Variants in RABGAP1L observed in about 807,000 individuals in gnomAD.
The protein encoded by RABGAP1L is RAB GTPase activating protein 1 like.
A neutral mutation model predicts 137.7 loss-of-function variants in RABGAP1L; 63 were observed. That is an observed-to-expected ratio of 0.46 (90% CI 0.37 to 0.56). The LOEUF (loss-of-function observed/expected upper bound fraction) is 0.56, where lower values mean the gene tolerates loss of function less well. RABGAP1L is among the 20% of genes least tolerant of loss of function. The pLI is 0.00. For missense variants in RABGAP1L, 1,095 were observed against 1,244.0 expected, an observed-to-expected ratio of 0.88 and a Z score of 1.80; for synonymous variants, 431 against 433.7, an observed-to-expected ratio of 0.99 and a Z score of 0.08.
chr1:174,840,764 T>A (rs1693296007), intron 19 of RABGAP1L, among the ~76,000 whole-genome samples: 1 of 148,032 alleles, frequency 6.8e-6, no homozygotes, highest in Non-Finnish European at 1.5e-5. Context: ...TGCAGTGAGC[T>A]GAGATTGAGC....
intron 18 of RABGAP1L, among the ~76,000 whole-genome samples, chr1:174,796,108 C>T (rs943416870): frequency 2.0e-5 from 3 of 152,192 alleles, no homozygotes; most frequent in Non-Finnish European, 4.4e-5. Flanking sequence ...GCATTATTAA[C>T]TAGTTAAATC....
intron 11 of RABGAP1L, among the ~76,000 whole-genome samples, chr1:174,328,007 A>ATATATG (rs1680688968): frequency 7.3e-6 from 1 of 137,128 alleles, no homozygotes; most frequent in Admixed American, 7.3e-5. Flanking sequence ...ATATATATAT[A>ATATATG]TATATATATA....
intron 14 of RABGAP1L, among the ~76,000 whole-genome samples, chr1:174,637,985 A>G (rs1160140232): frequency 6.6e-6 from 1 of 152,142 alleles, no homozygotes; most frequent in African/African-American, 2.4e-5. Context: ...CCTCATTATA[A>G]GTAGGCCTGG....
chr1:174,344,601 G>C (rs774081342), intron 11 of RABGAP1L, among the ~76,000 whole-genome samples: 1 of 152,214 alleles, frequency 6.6e-6, no homozygotes, highest in Non-Finnish European at 1.5e-5. Flanking sequence ...AGAAGAGATA[G>C]AGTCATCTAC....
chr1:174,209,001 C>T (rs778181174), intron 1 of RABGAP1L, among the ~76,000 whole-genome samples: 6 of 152,068 alleles, frequency 3.9e-5, no homozygotes, highest in African/African-American at 1.2e-4. Flanking sequence ...TTGTTGTCCA[C>T]GGAATGGGGG....
At chr1:174,473,491 C>G (rs925709472) in intron 13 of RABGAP1L, among the ~76,000 whole-genome samples, 1 of 152,198 alleles carries the variant, frequency 6.6e-6, no homozygotes, top group African/African-American at 2.4e-5. Context: ...TTCCAGAAAA[C>G]AGGATGCCCT....
chr1:174,779,221 C>A (rs887849314), intron 18 of RABGAP1L, among the ~76,000 whole-genome samples: 3 of 152,172 alleles, frequency 2.0e-5, no homozygotes, highest in Admixed American at 1.3e-4. Context: ...CTCCCCTTTT[C>A]TTTGTATAAT....
intron 11 of RABGAP1L, among the ~76,000 whole-genome samples, chr1:174,335,424 A>C (rs955121289): frequency 1.8e-4 from 28 of 152,354 alleles, no homozygotes; most frequent in East Asian, 3.9e-4. Context: ...ATCTAAAGTA[A>C]AATGAATTAA....
rs141348247 is a variant in RABGAP1L at position 174,955,964 on chromosome 1, G to A, written c.2341-1493G>A. On this transcript the variant is annotated intron_variant, in intron 19 of 25. Coordinates refer to ENST00000681986, the MANE Select transcript of RABGAP1L (RefSeq NM_001366446.1). ...ATAAGTAAGGGAATTCTATAACTTTGATTGTCCAAAGAAAGGCTAAAAGTA... is the reference window on the plus strand; with the variant it reads ...ATAAGTAAGGGAATTCTATAACTTTAATTGTCCAAAGAAAGGCTAAAAGTA... Among the ~76,000 whole-genome samples the A allele has an allele frequency of 5.1e-3, 776 of 152,190 alleles. 12 individuals are homozygous for A. The highest frequency in any genetic ancestry group is 4.3e-3 in the Non-Finnish European group (294 of 68,004).
chr1:174,639,898 A>T (rs1674384755), intron 14 of RABGAP1L, among the ~76,000 whole-genome samples: 1 of 152,166 alleles, frequency 6.6e-6, no homozygotes, highest in Admixed American at 6.6e-5. Context: ...TGGCCATTTT[A>T]GATTATCAGT....
chr1:174,897,910 T>C (rs78387461), intron 19 of RABGAP1L: 3,514 of 149,516 alleles, frequency 0.024, 58 homozygotes, highest in Middle Eastern at 0.084. Flanking sequence ...ACCCGGGAAG[T>C]TGAGGTTGCC....
At chr1:174,455,334 A>G (rs1420302209) in intron 13 of RABGAP1L, among the ~76,000 whole-genome samples, 3 of 152,158 alleles carry the variant, frequency 2.0e-5, no homozygotes, top group Non-Finnish European at 4.4e-5. Context: ...ATTTGACCCC[A>G]GTTTTATTTT....
chr1:174,797,755 A>G (rs1474316215), intron 18 of RABGAP1L, among the ~76,000 whole-genome samples: 2 of 150,964 alleles, frequency 1.3e-5, no homozygotes, highest in Non-Finnish European at 3.0e-5. Context: ...GTGTTTAGGG[A>G]TACAGTATGA....
chr1:174,477,005 CAT>C (rs1459560046), intron 13 of RABGAP1L, among the ~76,000 whole-genome samples: 4 of 152,124 alleles, frequency 2.6e-5, no homozygotes, highest in Admixed American at 2.0e-4. Flanking sequence ...CCCTCTGAAA[CAT>C]AGGGTTTGTG....
chr1:174,200,052 T>C (rs1161004675), intron 1 of RABGAP1L, among the ~76,000 whole-genome samples: 2 of 152,228 alleles, frequency 1.3e-5, no homozygotes, highest in Non-Finnish European at 2.9e-5. Flanking sequence ...ATTTGAGATT[T>C]TCGTAACAAG....
At chr1:174,256,912 T>C (rs1558076173) in intron 7 of RABGAP1L, among the ~76,000 whole-genome samples, 1 of 152,212 alleles carries the variant, frequency 6.6e-6, no homozygotes. Flanking sequence ...TGCAAAATGA[T>C]TAATTTCTCA....
At chr1:174,867,692 C>T (rs1366562408) in intron 19 of RABGAP1L, among the ~76,000 whole-genome samples, 5 of 152,140 alleles carry the variant, frequency 3.3e-5, no homozygotes, top group Admixed American at 3.3e-4. Context: ...GTCACCCAGG[C>T]TGGACTGCAG....
chr1:174,978,750 T>C, intron 22 of RABGAP1L, 57 bp from the exon 23 acceptor site: 1 of 1,492,720 alleles, frequency 6.7e-7, no homozygotes. Flanking sequence ...ATATAGATGT[T>C]TGTGAAAATT....
intron 13 of RABGAP1L, among the ~76,000 whole-genome samples, chr1:174,479,157 G>T (rs1658814258): frequency 6.6e-6 from 1 of 152,198 alleles, no homozygotes; most frequent in South Asian, 2.1e-4. Context: ...GATTAAGCAG[G>T]GTTGGCATGG....
Sources: gnomAD v4.1 joint callset for allele counts (sites outside exome capture counted in the v4.1 genomes callset) on GRCh38, gnomAD v4.1.1 for gene constraint, MANE v1.5 for transcripts, NCBI Gene and HGNC (gene_info 2026-07-23, HGNC 2026-07-21) for gene names.